The following SLC14A2 variants were observed in gnomAD, a reference collection of about 807,000 sequenced individuals.
The protein encoded by SLC14A2 is solute carrier family 14 member 2, also known as urea transporter 2.
Under a neutral mutation model 104.6 loss-of-function variants are expected in SLC14A2, and 91 were observed. The ratio of observed to expected loss-of-function variants is 0.87; its 90% CI spans 0.73 to 1.04. The LOEUF (loss-of-function observed/expected upper bound fraction) is 1.04. Among genes scored for constraint, SLC14A2 ranks in the 50% least tolerant of loss-of-function variants. SLC14A2 has a pLI of 0.00. For synonymous variants in SLC14A2, 476 were observed against 466.4 expected (o/e 1.02, Z -0.27); for missense variants, 1,189 against 1,156.0 (o/e 1.03, Z -0.41).
intron 1 of SLC14A2, among the ~76,000 whole-genome samples, chr18:45,294,414 G>A (rs570906486): frequency 1.3e-5 from 2 of 152,194 alleles, no homozygotes; most frequent in East Asian, 3.9e-4. Context: ...TAGTATTAAT[G>A]TTAGATTACC....
the SLC14A2 span, among the ~76,000 whole-genome samples, chr18:45,195,067 T>C: frequency 1.2e-4 from 19 of 152,228 alleles, no homozygotes; most frequent in Admixed American, 4.6e-4. Context: ...GTCTCAGTTT[T>C]TCTTGCAGTC....
intron 2 of SLC14A2, among the ~76,000 whole-genome samples, chr18:45,565,373 C>G (rs1013961830): frequency 5.9e-5 from 9 of 152,124 alleles, no homozygotes; most frequent in Non-Finnish European, 1.2e-4. Context: ...ATCCGCCCGC[C>G]TCGTGGGATC....
intron 1 of SLC14A2, among the ~76,000 whole-genome samples, chr18:45,414,757 A>AATATATATAT (rs71177674): frequency 3.3e-4 from 25 of 76,050 alleles, no homozygotes; most frequent in African/African-American, 9.2e-4. Flanking sequence ...AAAAAAAAAA[A>AATATATATAT]ATATATATAT....
At chr18:45,426,698 T>TACACAC (rs34456057) in intron 1 of SLC14A2, among the ~76,000 whole-genome samples, 2,723 of 140,952 alleles carry the variant, frequency 0.019, 38 homozygotes, top group African/African-American at 0.026. Context: ...TATACATACA[T>TACACAC]ACACACACAC....
At chr18:45,471,051 G>A (rs1201476596) in intron 1 of SLC14A2, among the ~76,000 whole-genome samples, 1 of 151,876 alleles carries the variant, frequency 6.6e-6, no homozygotes, top group East Asian at 1.9e-4. Context: ...TTCTGCCATA[G>A]TTTCTTCATT....
chr18:45,321,386 C>T (rs1251779879), intron 1 of SLC14A2, among the ~76,000 whole-genome samples: 1 of 152,212 alleles, frequency 6.6e-6, no homozygotes, highest in Non-Finnish European at 1.5e-5. Flanking sequence ...TAGCTAGGAA[C>T]AGAACTATAC....
At chr18:45,389,743 G>A (rs190918536) in intron 1 of SLC14A2, among the ~76,000 whole-genome samples, 88 of 152,198 alleles carry the variant, frequency 5.8e-4, no homozygotes, top group Non-Finnish European at 1.0e-3. Flanking sequence ...GAACTTGATG[G>A]GTCTCTCTAC....
At chr18:45,473,626 TTC>T (rs1355002419) in intron 1 of SLC14A2, among the ~76,000 whole-genome samples, 2 of 152,214 alleles carry the variant, frequency 1.3e-5, no homozygotes, top group Non-Finnish European at 2.9e-5. Context: ...AGATATTTTA[TTC>T]TCTTTGTAGC....
intron 1 of SLC14A2, among the ~76,000 whole-genome samples, chr18:45,278,961 A>G (rs1408878679): frequency 1.3e-5 from 2 of 152,208 alleles, no homozygotes; most frequent in Non-Finnish European, 2.9e-5. Flanking sequence ...AACAGTCCCA[A>G]AAGTTTCTAT....
the SLC14A2 span, among the ~76,000 whole-genome samples, chr18:45,182,041 T>C: frequency 1.3e-5 from 2 of 151,750 alleles, no homozygotes; most frequent in Non-Finnish European, 2.9e-5. Flanking sequence ...CATTGGCAAA[T>C]TCACACCATT....
At position 45,635,674 on chromosome 18, in the gene SLC14A2, G is replaced by A. The variant is rs376306126; in HGVS notation, c.651-1316G>A. On this transcript the variant is annotated intron_variant, in intron 5 of 19. Coordinates refer to ENST00000255226, the MANE Select transcript of SLC14A2 (RefSeq NM_007163.4). ...CCAACCATTTCGAGGGCTACTGCCC[G>A]AAGGGGAGCAGAGAAACGGAGCCAC... Among the ~76,000 whole-genome samples, 31 of 152,342 alleles carry A rather than the reference G, an allele frequency of 2.0e-4. No individual in the cohort carries two copies. In the East Asian group the frequency reaches 2.1e-3, roughly 10 times the overall value.
intron 4 of SLC14A2, among the ~76,000 whole-genome samples, chr18:45,629,729 A>G (rs1182050341): frequency 6.6e-6 from 1 of 152,192 alleles, no homozygotes; most frequent in Non-Finnish European, 1.5e-5. Flanking sequence ...CACTTCACAG[A>G]CTGCAGTTTT....
intron 1 of SLC14A2, among the ~76,000 whole-genome samples, chr18:45,253,345 G>A (rs764114919): frequency 5.9e-5 from 9 of 152,266 alleles, no homozygotes; most frequent in African/African-American, 9.6e-5. Flanking sequence ...CACGGTGGAC[G>A]AAGGACGGAA....
intron 2 of SLC14A2, among the ~76,000 whole-genome samples, chr18:45,602,907 C>T (rs1297459192): frequency 6.6e-6 from 1 of 152,170 alleles, no homozygotes; most frequent in African/African-American, 2.4e-5. Flanking sequence ...GATTAGACAC[C>T]TGGTCTTTTT....
chr18:45,485,240 C>T, intron 2 of SLC14A2: 1 of 152,126 alleles, frequency 6.6e-6, no homozygotes, highest in Non-Finnish European at 1.5e-5. Flanking sequence ...CAAACCCTGG[C>T]CTTTTAAGTC....
intron 1 of SLC14A2, among the ~76,000 whole-genome samples, chr18:45,407,154 A>G (rs1396199815): frequency 1.3e-5 from 2 of 152,226 alleles, no homozygotes; most frequent in African/African-American, 4.8e-5. Context: ...ATTACCATGA[A>G]AATCTGTTGT....
chr18:45,591,136 T>C (rs920308332), intron 2 of SLC14A2, among the ~76,000 whole-genome samples: 2 of 152,152 alleles, frequency 1.3e-5, no homozygotes, highest in African/African-American at 2.4e-5. Flanking sequence ...GAGGTGTATT[T>C]TTTTATTTAA....
intron 1 of SLC14A2, among the ~76,000 whole-genome samples, chr18:45,392,528 A>T (rs568174132): frequency 6.6e-6 from 1 of 152,228 alleles, no homozygotes; most frequent in Admixed American, 6.5e-5. Flanking sequence ...ATTTTTAGCT[A>T]AAATGGCTAT....
intron 1 of SLC14A2, among the ~76,000 whole-genome samples, chr18:45,418,891 CAG>C (rs2086307549): frequency 6.6e-6 from 1 of 152,094 alleles, no homozygotes; most frequent in African/African-American, 2.4e-5. Context: ...AGTGCAGTGT[CAG>C]AGGAGGGGAG....
Sources: gnomAD v4.1 joint callset for allele counts (sites outside exome capture counted in the v4.1 genomes callset) on GRCh38, gnomAD v4.1.1 for gene constraint, MANE v1.5 for transcripts, NCBI Gene and HGNC (gene_info 2026-07-23, HGNC 2026-07-21) for gene names.